The following IGF1R variants were observed in gnomAD, a reference collection of about 807,000 sequenced individuals.
The protein encoded by IGF1R is insulin like growth factor 1 receptor.
A neutral mutation model predicts 144.6 loss-of-function variants in IGF1R; 44 were observed. The observed-to-expected ratio is 0.30, with a 90% CI of 0.24 to 0.39. The LOEUF (loss-of-function observed/expected upper bound fraction) is 0.39, where lower values mean the gene tolerates loss of function less well. Ranked by LOEUF, IGF1R falls within the 10% of genes least tolerant of loss-of-function variation. The pLI, the probability that IGF1R is intolerant of heterozygous loss-of-function variation, is 1.00. For synonymous variants in IGF1R, 795 were observed against 722.8 expected (o/e 1.10, Z -1.60); for missense variants, 1,355 against 1,833.7 (o/e 0.74, Z 4.77).
intron 2 of IGF1R, among the ~76,000 whole-genome samples, chr15:98,729,476 G>C (rs1456198297): frequency 2.0e-5 from 3 of 151,876 alleles, no homozygotes; most frequent in African/African-American, 7.3e-5. Flanking sequence ...TCTTTTCAAA[G>C]GTCAGTAGGT....
intron 2 of IGF1R, among the ~76,000 whole-genome samples, chr15:98,865,865 T>G (rs2012412499): frequency 6.6e-6 from 1 of 152,054 alleles, no homozygotes; most frequent in African/African-American, 2.4e-5. Flanking sequence ...CACACCCTAG[T>G]GTATCTTTAA....
chr15:98,827,566 G>A (rs2056916716), intron 2 of IGF1R, among the ~76,000 whole-genome samples: 1 of 152,074 alleles, frequency 6.6e-6, no homozygotes, highest in Non-Finnish European at 1.5e-5. Context: ...TTTGTAATTG[G>A]CCTTTTAAAC....
chr15:98,731,998 G>C (rs1158415028), intron 2 of IGF1R, among the ~76,000 whole-genome samples: 1 of 152,166 alleles, frequency 6.6e-6, no homozygotes, highest in Non-Finnish European at 1.5e-5. Context: ...GGTGTTGGGC[G>C]TGCAGCATTC....
intron 2 of IGF1R, among the ~76,000 whole-genome samples, chr15:98,802,604 C>T (rs1467235806): frequency 1.3e-5 from 2 of 152,218 alleles, no homozygotes; most frequent in Admixed American, 1.3e-4. Flanking sequence ...CTTGTATGCA[C>T]GAATTCACAT....
At chr15:98,650,914 G>A in intron 1 of IGF1R, 1 of 985,122 alleles carries the variant, frequency 1.0e-6, no homozygotes, top group Non-Finnish European at 1.2e-6. Context: ...GGGATGCGGG[G>A]AGCGAGAACT....
chr15:98,926,109 C>T (rs569814625), intron 13 of IGF1R, among the ~76,000 whole-genome samples: 1 of 152,136 alleles, frequency 6.6e-6, no homozygotes, highest in Non-Finnish European at 1.5e-5. Flanking sequence ...AAACCTGGTA[C>T]ATATACATTA....
chr15:98,889,399 G>T (rs1350508088), intron 2 of IGF1R, among the ~76,000 whole-genome samples: 1 of 152,184 alleles, frequency 6.6e-6, no homozygotes, highest in Non-Finnish European at 1.5e-5. Flanking sequence ...CTTTCTAGAG[G>T]ACAGTTTAAC....
chr15:98,689,985 A>T (rs2053436010), intron 1 of IGF1R, among the ~76,000 whole-genome samples: 1 of 152,160 alleles, frequency 6.6e-6, no homozygotes, highest in African/African-American at 2.4e-5. Flanking sequence ...GGGGTCAAGG[A>T]GATAGAGCAA....
intron 1 of IGF1R, among the ~76,000 whole-genome samples, chr15:98,685,796 T>G (rs1234453399): frequency 1.3e-5 from 2 of 152,224 alleles, no homozygotes; most frequent in Non-Finnish European, 2.9e-5. Context: ...GTAGCCTGAT[T>G]GCCCAGCCTT....
chr15:98,964,139 A>G lies in IGF1R; in HGVS notation c.*6697A>G, dbSNP rs189613899. On this transcript the variant is annotated 3_prime_UTR_variant, in exon 21 of 21. Coordinates refer to ENST00000650285, the MANE Select transcript of IGF1R (RefSeq NM_000875.5). The stretch of plus-strand genomic sequence containing the variant: ...TATCCCTTTGTCTGGGATAAAAAAA[A>G]TCAAACCAGAAGGCGGGATGGAATG... 4 of 233,022 alleles carry G rather than the reference A, an allele frequency of 1.7e-5. No homozygotes were observed. The highest frequency in any genetic ancestry group is 1.7e-4 in the Admixed American group (3 of 17,770). The allele number at this position is 233,022 out of a possible 1,614,324, so 14.4% of individuals were successfully genotyped here.
At chr15:98,850,274 C>T (rs1385634791) in intron 2 of IGF1R, among the ~76,000 whole-genome samples, 1 of 152,280 alleles carries the variant, frequency 6.6e-6, no homozygotes, top group East Asian at 1.9e-4. Flanking sequence ...GAGCGGAGAC[C>T]TGAATGAAGG....
At chr15:98,662,226 C>T (rs1352050701) in intron 1 of IGF1R, among the ~76,000 whole-genome samples, 3 of 151,926 alleles carry the variant, frequency 2.0e-5, no homozygotes, top group Non-Finnish European at 2.9e-5. Context: ...AGCAATCCAC[C>T]GACCTCGGCC....
At chr15:98,915,914 A>C in intron 8 of IGF1R, 50 bp from the exon 9 acceptor site, 1 of 1,571,370 alleles carries the variant, frequency 6.4e-7, no homozygotes, top group East Asian at 2.2e-5. Context: ...TGATAGCCTG[A>C]CTCTTAAGTT....
At chr15:98,882,163 G>T (rs147302920) in intron 2 of IGF1R, among the ~76,000 whole-genome samples, 5 of 152,228 alleles carry the variant, frequency 3.3e-5, no homozygotes, top group Non-Finnish European at 5.9e-5. Context: ...GGCGTGTTGC[G>T]TGAGTGGTGA....
In IGF1R at chr15:98,899,541, G is replaced by A. The variant is rs1278999501; in HGVS notation, c.1167G>A (p.Lys389=). ...GLIEVVTGYV[K]IRHSHALVSL... ...TCGAGGTGGTGACGGGCTACGTGAA[G>A]ATCCGCCATTCTCATGCCTTGGTCT... Residue 389 remains lysine, a synonymous_variant, in exon 5 of 21, where the codon AAG becomes AAA. Coordinates refer to ENST00000650285, the MANE Select transcript of IGF1R (RefSeq NM_000875.5). The A allele has an allele frequency of 1.2e-6, 2 of 1,614,172 alleles. No individual in the cohort carries two copies. Among genetic ancestry groups the A allele is most frequent in the Non-Finnish European group, 1.7e-6 (2 of 1,180,008 alleles).
Position 98,959,771 on chromosome 15 carries a change from AAAG to A in IGF1R, c.*2332_*2334del, listed in dbSNP as rs1162027106. 4.3e-6 allele frequency: 1 copy of A among 233,340 alleles called. No homozygotes were observed. Among genetic ancestry groups the A allele is most frequent in the African/African-American group, 2.2e-5 (1 of 45,354 alleles). 14.5% of individuals were successfully genotyped at this position (233,340 alleles called of 1,614,324 possible). ...GTTGTGACTGAAGATTCAACACAGA[AAAG>A]AAAGTTTATACGGCTTTTTTGCTGG... On this transcript the variant is annotated 3_prime_UTR_variant, in exon 21 of 21. Transcript: ENST00000650285.
intron 2 of IGF1R, among the ~76,000 whole-genome samples, chr15:98,860,616 TTGTTGTATTATGCATAATACAGTGA>T (rs2012097490): frequency 6.6e-6 from 1 of 152,204 alleles, no homozygotes; most frequent in Admixed American, 6.5e-5. Context: ...CGAGCATAAA[TTGTTGTATTATGCATAATACAGTGA>T]TACCCTCAAG....
intron 6 of IGF1R, among the ~76,000 whole-genome samples, chr15:98,909,448 G>A (rs747800579): frequency 5.3e-5 from 8 of 151,686 alleles, no homozygotes; most frequent in Non-Finnish European, 8.8e-5. Flanking sequence ...TAGTAGAGAC[G>A]GGATTTCATC....
chr15:98,959,698 A>G lies in IGF1R; in HGVS notation c.*2256A>G. On this transcript the variant is annotated 3_prime_UTR_variant, in exon 21 of 21. Transcript: ENST00000650285. ...TGACAGCACAAGAGTTGCTTCTGGGATAGAAATGTTTAGGAGTAAGAACAA... is the reference window on the plus strand; with the variant it reads ...TGACAGCACAAGAGTTGCTTCTGGGGTAGAAATGTTTAGGAGTAAGAACAA... 1 of 233,674 alleles carries G rather than the reference A, an allele frequency of 4.3e-6. No homozygotes were observed. The highest frequency in any genetic ancestry group is 6.0e-5 in the East Asian group (1 of 16,598). 14.5% of individuals were successfully genotyped at this position (233,674 alleles called of 1,614,324 possible). A position where few individuals can be genotyped will look rare whatever the true frequency, so the allele number is the denominator to read the frequency against.
Sources: gnomAD v4.1 joint callset for allele counts (sites outside exome capture counted in the v4.1 genomes callset) on GRCh38, gnomAD v4.1.1 for gene constraint, MANE v1.5 for transcripts, NCBI Gene and HGNC (gene_info 2026-07-23, HGNC 2026-07-21) for gene names.